CACNA1E: variants seen among roughly 807,000 people sequenced by gnomAD.
The protein encoded by CACNA1E is calcium voltage-gated channel subunit alpha1 E.
CACNA1E carries 40 observed loss-of-function variants against 259.2 expected under a neutral mutation model. The ratio of observed to expected loss-of-function variants is 0.15; its 90% confidence interval spans 0.12 to 0.20. The LOEUF (loss-of-function observed/expected upper bound fraction) is 0.20, where lower values mean the gene tolerates loss of function less well. Ranked by LOEUF, CACNA1E falls within the 10% of genes least tolerant of loss-of-function variation. CACNA1E has a pLI of 1.00. For missense variants in CACNA1E, 1,874 were observed against 3,040.1 expected (o/e 0.62, Z 9.02); for synonymous variants, 1,104 against 1,138.5 (o/e 0.97, Z 0.61).
At chr1:181,444,676 C>T (rs1165047363) in intron 2 of CACNA1E, among the ~76,000 whole-genome samples, 2 of 152,138 alleles carry the variant, frequency 1.3e-5, no homozygotes, top group African/African-American at 4.8e-5. Context: ...GGACCCTGCC[C>T]CTCCTGTCTG....
At chr1:181,591,246 T>G (rs1415812723) in intron 6 of CACNA1E, among the ~76,000 whole-genome samples, 1 of 152,268 alleles carries the variant, frequency 6.6e-6, no homozygotes, top group Non-Finnish European at 1.5e-5. Context: ...CTTTGCTATC[T>G]CTGCATTTAT....
Position 181,802,247 on chromosome 1 carries a change from T to C in CACNA1E, c.*3413T>C, listed in dbSNP as rs1378860794. The C allele has an allele frequency of 6.6e-6, 1 of 152,304 alleles. No individual in the cohort carries two copies. The highest frequency in any genetic ancestry group is 1.5e-5 in the Non-Finnish European group (1 of 68,100). The allele number at this position is 152,304 out of a possible 1,614,324, so 9.4% of individuals were successfully genotyped here. ...CTCTTCTGGCTGAAGAATCTGTTTT[T>C]CTTCTGGGCTTCACTTGTAGTTCCT... is the stretch of plus-strand genomic sequence containing the variant. On this transcript the variant is annotated 3_prime_UTR_variant, in exon 48 of 48. Coordinates refer to ENST00000367573, the MANE Select transcript of CACNA1E (RefSeq NM_001205293.3).
chr1:181,466,738 G>A (rs1662184311), intron 2 of CACNA1E, among the ~76,000 whole-genome samples: 1 of 152,010 alleles, frequency 6.6e-6, no homozygotes, highest in Non-Finnish European at 1.5e-5. Context: ...TTCAAGTTCA[G>A]CAATATATCT....
intron 7 of CACNA1E, among the ~76,000 whole-genome samples, chr1:181,672,006 T>C (rs1208802483): frequency 2.6e-5 from 4 of 152,248 alleles, no homozygotes; most frequent in African/African-American, 9.6e-5. Flanking sequence ...CAGTGACAGA[T>C]TGGATAAAGA....
intron 6 of CACNA1E, among the ~76,000 whole-genome samples, chr1:181,595,226 C>T (rs1022624864): frequency 6.6e-6 from 1 of 152,142 alleles, no homozygotes; most frequent in Non-Finnish European, 1.5e-5. Context: ...TTGATTCCTT[C>T]CCCAGGGGTC....
chr1:181,527,783 GT>G (rs1254198554), intron 3 of CACNA1E, among the ~76,000 whole-genome samples: 7 of 152,082 alleles, frequency 4.6e-5, no homozygotes, highest in African/African-American at 1.7e-4. Flanking sequence ...GTTCTATGTT[GT>G]TTTTGTTGCT....
chr1:181,673,049 A>G (rs766948160), intron 7 of CACNA1E, among the ~76,000 whole-genome samples: 8 of 152,202 alleles, frequency 5.3e-5, no homozygotes, highest in Non-Finnish European at 8.8e-5. Context: ...GGAAAAAGCC[A>G]AAGAGTTATG....
intron 37 of CACNA1E, among the ~76,000 whole-genome samples, chr1:181,773,042 C>A (rs1659661212): frequency 6.6e-6 from 1 of 152,234 alleles, no homozygotes; most frequent in Non-Finnish European, 1.5e-5. Context: ...CTCAACTACA[C>A]TGCTAATGCC....
chr1:181,660,833 G>C (rs1647588495), intron 7 of CACNA1E, among the ~76,000 whole-genome samples: 1 of 152,184 alleles, frequency 6.6e-6, no homozygotes, highest in Admixed American at 6.5e-5. Context: ...ATTCTGCTGG[G>C]ATTCTAACAC....
chr1:181,395,999 T>G (rs1439414122), intron 1 of CACNA1E, among the ~76,000 whole-genome samples: 1 of 152,228 alleles, frequency 6.6e-6, no homozygotes, highest in East Asian at 1.9e-4. Context: ...TAGTCCTGAC[T>G]CATGATCTCT....
intron 5 of CACNA1E, 46 bp downstream of exon 5, chr1:181,579,270 G>A (rs780148290): frequency 2.0e-6 from 3 of 1,501,302 alleles, no homozygotes; most frequent in Non-Finnish European, 2.7e-6. Context: ...TCTCCCCTCT[G>A]TTAACTGGGG....
At position 181,485,055 on chromosome 1, in the gene CACNA1E, G is replaced by A. The variant is rs929356885; in HGVS notation, c.266+1045G>A. The stretch of plus-strand genomic sequence containing the variant: ...CCTGGCAAGGCCATTGGGAATTGGG[G>A]GTGGTGAGGCAGTGAAGGGGATTAG... On this transcript the variant is annotated intron_variant, in intron 1 of 47. Coordinates refer to ENST00000367573, the MANE Select transcript of CACNA1E (RefSeq NM_001205293.3). This position sits in a 1 kb window ranked among gnomAD's most constrained non-coding sequence, Gnocchi z 4.2. 6.6e-6 allele frequency among the ~76,000 whole-genome samples: 1 copy of A among 152,258 alleles called. No homozygotes were observed. Among genetic ancestry groups the A allele is most frequent in the Non-Finnish European group, 1.5e-5 (1 of 68,044 alleles).
chr1:181,412,980 G>A (rs1467068326), intron 1 of CACNA1E, among the ~76,000 whole-genome samples: 2 of 152,174 alleles, frequency 1.3e-5, no homozygotes, highest in Non-Finnish European at 2.9e-5. Flanking sequence ...GGTCAGGCCC[G>A]GGATGTAGCA....
intron 1 of CACNA1E, among the ~76,000 whole-genome samples, chr1:181,408,680 C>T (rs936455226): frequency 1.3e-5 from 2 of 152,136 alleles, no homozygotes; most frequent in Admixed American, 6.5e-5. Context: ...TCTTCCACCC[C>T]AGGATCCCCA....
intron 7 of CACNA1E, among the ~76,000 whole-genome samples, chr1:181,681,835 C>T (rs1650002966): frequency 6.6e-6 from 1 of 152,204 alleles, no homozygotes; most frequent in Admixed American, 6.5e-5. Context: ...TTGCTGTGTT[C>T]TGTGCCTATC....
intron 1 of CACNA1E, among the ~76,000 whole-genome samples, chr1:181,395,293 C>A (rs1392225613): frequency 6.6e-6 from 1 of 152,136 alleles, no homozygotes; most frequent in Non-Finnish European, 1.5e-5. Flanking sequence ...ACCAGAAGGA[C>A]AGAGCTGCCG....
At chr1:181,643,332 A>G (rs995838960) in intron 6 of CACNA1E, among the ~76,000 whole-genome samples, 22 of 152,200 alleles carry the variant, frequency 1.4e-4, no homozygotes, top group African/African-American at 5.3e-4. Flanking sequence ...CATGACATCA[A>G]TGTTGGAATT....
At chr1:181,754,550 C>A (rs1292653291) in intron 27 of CACNA1E, among the ~76,000 whole-genome samples, 2 of 152,166 alleles carry the variant, frequency 1.3e-5, no homozygotes, top group African/African-American at 4.8e-5. Flanking sequence ...TGCCTTTTAA[C>A]TGAAGTGTAA....
intron 25 of CACNA1E, 115 bp downstream of exon 25, chr1:181,739,368 C>T (rs909948931): frequency 7.9e-6 from 6 of 761,854 alleles, no homozygotes; most frequent in South Asian, 3.2e-5. Context: ...AGAATGCCCC[C>T]GCTGGAAATC....
Sources: gnomAD v4.1 joint callset for allele counts (sites outside exome capture counted in the v4.1 genomes callset) on GRCh38, gnomAD v4.1.1 for gene constraint, Gnocchi (gnomAD v3.1) non-coding constraint, MANE v1.5 for transcripts, NCBI Gene and HGNC (gene_info 2026-07-23, HGNC 2026-07-21) for gene names.